The following SESN1 variants were observed in gnomAD, a reference collection of about 807,000 sequenced individuals.
SESN1 encodes the protein sestrin 1, also known as sestrin-1.
A neutral mutation model predicts 59.3 loss-of-function variants in SESN1; 30 were observed. The observed-to-expected ratio is 0.51, with a 90% CI of 0.38 to 0.69. The LOEUF (loss-of-function observed/expected upper bound fraction) is 0.69, where lower values mean the gene tolerates loss of function less well. SESN1 is among the 30% of genes least tolerant of loss of function. SESN1 has a pLI of 0.00. For missense variants in SESN1, 566 were observed against 673.0 expected, an observed-to-expected ratio of 0.84 and a Z score of 1.76; for synonymous variants, 197 against 219.9, an observed-to-expected ratio of 0.90 and a Z score of 0.92.
intron 1 of SESN1, among the ~76,000 whole-genome samples, chr6:109,022,969 C>T (rs1287719667): frequency 1.3e-5 from 2 of 152,122 alleles, no homozygotes; most frequent in Non-Finnish European, 2.9e-5. Context: ...CCAAGGGACC[C>T]TAACTCCTAC....
rs776158699 is a variant in SESN1, at chr6:109,004,438, CT to C, written c.280-2096del. ...AATCAATACGAAAATCCCCAACAAT[CT>C]TTTTTTTTTTTTTTGGAGACAGAGT... On this transcript the variant is annotated intron_variant, in intron 1 of 9. Coordinates refer to ENST00000436639, the MANE Select transcript of SESN1 (RefSeq NM_014454.3). 3.2e-3 allele frequency among the ~76,000 whole-genome samples: 451 copies of C among 142,526 alleles called. 1 individual carries two copies. The highest frequency in any genetic ancestry group is 7.5e-3 in the East Asian group (37 of 4,946). 93.5% of individuals were successfully genotyped at this position (142,526 alleles called of 152,430 possible). A position where few individuals can be genotyped will look rare whatever the true frequency, so the allele number is the denominator to read the frequency against.
intron 1 of SESN1, among the ~76,000 whole-genome samples, chr6:109,072,217 G>A (rs1474855090): frequency 6.6e-6 from 1 of 151,962 alleles, no homozygotes; most frequent in Non-Finnish European, 1.5e-5. Flanking sequence ...CAGTTCTGCA[G>A]CAAAAAAGAA....
chr6:109,000,408 T>C (rs1779590804), intron 4 of SESN1, 83 bp downstream of exon 4: 3 of 1,101,430 alleles, frequency 2.7e-6, no homozygotes, highest in Non-Finnish European at 3.7e-6. Context: ...CTCTCTGTAC[T>C]TTCTGTGCGA....
intron 1 of SESN1, among the ~76,000 whole-genome samples, chr6:109,039,846 G>C (rs553306963): frequency 6.6e-6 from 1 of 152,222 alleles, no homozygotes; most frequent in Non-Finnish European, 1.5e-5. Context: ...AGTTAGTGAA[G>C]TGAATTATTG....
At chr6:109,071,578 G>T (rs929634032) in intron 1 of SESN1, among the ~76,000 whole-genome samples, 2 of 152,078 alleles carry the variant, frequency 1.3e-5, no homozygotes, top group African/African-American at 4.8e-5. Flanking sequence ...CATGAGGGCT[G>T]CAACTCTGCT....
At chr6:109,020,589 AT>A (rs1779995085) in intron 1 of SESN1, among the ~76,000 whole-genome samples, 1 of 152,024 alleles carries the variant, frequency 6.6e-6, no homozygotes, top group Non-Finnish European at 1.5e-5. Flanking sequence ...ATTCTATACA[AT>A]TTTTTCCTCT....
In SESN1 at chr6:109,049,554, A is replaced by G. The variant is rs186979354; in HGVS notation, c.279+44241T>C. Among the ~76,000 whole-genome samples the G allele has an allele frequency of 1.8e-3, 278 of 152,228 alleles. 2 individuals are homozygous for G. Among genetic ancestry groups the G allele is most frequent in the Non-Finnish European group, 3.0e-3 (207 of 67,992 alleles). On this transcript the variant is annotated intron_variant, in intron 1 of 9. Transcript: ENST00000436639. ...AATTGAATGTTTTCAACACAAAGAA[A>G]TAACTGTTTAGATGACGGATTTGCT...
At chr6:109,073,021 T>C (rs959762118) in intron 1 of SESN1, among the ~76,000 whole-genome samples, 1 of 152,202 alleles carries the variant, frequency 6.6e-6, no homozygotes, top group East Asian at 1.9e-4. Flanking sequence ...TTTTGTTTGT[T>C]TTTTTAGTTT....
intron 1 of SESN1, among the ~76,000 whole-genome samples, chr6:109,012,244 CTT>C (rs1050059466): frequency 1.9e-4 from 27 of 138,866 alleles, no homozygotes; most frequent in Admixed American, 1.4e-4. Context: ...TTTGATATTT[CTT>C]TTTTTTTTTT....
Position 108,987,133 on chromosome 6 carries a change from A to G in SESN1, c.*411T>C, listed in dbSNP as rs1418317555. 6.4e-6 allele frequency: 1 copy of G among 157,428 alleles called. No homozygotes were observed. Among genetic ancestry groups the G allele is most frequent in the Non-Finnish European group, 1.4e-5 (1 of 71,462 alleles). The allele number at this position is 157,428 out of a possible 1,614,324, so 9.8% of individuals were successfully genotyped here. A position where few individuals can be genotyped will look rare whatever the true frequency, so the allele number is the denominator to read the frequency against. On this transcript the variant is annotated 3_prime_UTR_variant, in exon 10 of 10. Coordinates refer to ENST00000436639, the MANE Select transcript of SESN1 (RefSeq NM_014454.3). Reference sequence around the variant, plus strand: ...GCCATCTATTCATTCCTCCAGCAGGAATAGCAGCACCAAGATCTTCTAAAA... The same window carrying G: ...GCCATCTATTCATTCCTCCAGCAGGGATAGCAGCACCAAGATCTTCTAAAA...
At position 109,093,700 on chromosome 6, in the gene SESN1, A is replaced by G. The variant is rs139379265; in HGVS notation, c.279+95T>C. 7.1e-6 allele frequency: 9 copies of G among 1,261,578 alleles called. No individual in the cohort carries two copies. In the South Asian group the frequency reaches 7.2e-5, roughly 10 times the overall value. The allele number at this position is 1,261,578 out of a possible 1,614,324, so 78.1% of individuals were successfully genotyped here. A position where few individuals can be genotyped will look rare whatever the true frequency, so the allele number is the denominator to read the frequency against. On this transcript the variant is annotated intron_variant, in intron 1 of 9. Coordinates refer to ENST00000436639, the MANE Select transcript of SESN1 (RefSeq NM_014454.3). Reference sequence around the variant, plus strand: ...ATGTAAACTCATAATAAAAGTTTACATAACAACCTAATAGAAACAAACACA... The same window carrying G: ...ATGTAAACTCATAATAAAAGTTTACGTAACAACCTAATAGAAACAAACACA...
At chr6:109,023,608 C>T (rs1780043313) in intron 1 of SESN1, among the ~76,000 whole-genome samples, 2 of 152,142 alleles carry the variant, frequency 1.3e-5, no homozygotes, top group African/African-American at 4.8e-5. Context: ...TGTTTGGGGA[C>T]ATATGTTTAT....
intron 1 of SESN1, among the ~76,000 whole-genome samples, chr6:109,031,767 G>C (rs944935060): frequency 1.3e-5 from 2 of 152,138 alleles, no homozygotes; most frequent in Non-Finnish European, 2.9e-5. Context: ...GAAGTATAAA[G>C]AAGTATATAG....
intron 1 of SESN1, among the ~76,000 whole-genome samples, chr6:109,044,964 G>C: frequency 6.6e-6 from 1 of 151,936 alleles, no homozygotes; most frequent in East Asian, 1.9e-4. Context: ...TAGAGGTTGC[G>C]GTGAGCTGAG....
chr6:108,998,798 G>A, intron 4 of SESN1, 43 bp from the exon 5 acceptor site: 2 of 1,564,606 alleles, frequency 1.3e-6, no homozygotes, highest in East Asian at 2.3e-5. Flanking sequence ...GTACTGGGGT[G>A]TGGTAAAAGT....
chr6:108,991,677 C>T (rs1352319298), intron 7 of SESN1, among the ~76,000 whole-genome samples: 1 of 152,180 alleles, frequency 6.6e-6, no homozygotes, highest in East Asian at 1.9e-4. Flanking sequence ...TTTCTTTCCA[C>T]CTGAAACAAA....
intron 1 of SESN1, among the ~76,000 whole-genome samples, chr6:109,024,966 C>A (rs1368660773): frequency 1.3e-5 from 2 of 152,016 alleles, no homozygotes; most frequent in South Asian, 2.1e-4. Context: ...TCCTCAGAAA[C>A]CAAAACCCAC....
Position 108,988,622 on chromosome 6 carries a change from T to C in SESN1, c.1490A>G (p.Lys497Arg). The C allele has an allele frequency of 6.2e-7, 1 of 1,613,158 alleles. No homozygotes were observed. Among genetic ancestry groups the C allele is most frequent in the Non-Finnish European group, 8.5e-7 (1 of 1,179,438 alleles). ...CTTTTCAGGAGTGCAAACAACAGTT[T>C]TGATATAAACTTTAAAGCTACGATC... ...LLDRSFKVYI[K>R]TVVCTPEKVT... Residue 497 changes from lysine to arginine, a missense_variant, in exon 9 of 10, where the codon AAA becomes AGA. Lys to Arg is a conservative substitution (Grantham distance 26). Transcript: ENST00000436639.
At chr6:108,995,469 G>A (rs1779484864) in intron 5 of SESN1, among the ~76,000 whole-genome samples, 1 of 152,184 alleles carries the variant, frequency 6.6e-6, no homozygotes, top group Admixed American at 6.5e-5. Flanking sequence ...GATGACTAGA[G>A]CAGTGTCACA....
Sources: gnomAD v4.1 joint callset for allele counts (sites outside exome capture counted in the v4.1 genomes callset) on GRCh38, gnomAD v4.1.1 for gene constraint, MANE v1.5 for transcripts, NCBI Gene and HGNC (gene_info 2026-07-23, HGNC 2026-07-21) for gene names.